Variants in NIPBL observed in about 807,000 individuals in gnomAD.
The protein encoded by NIPBL is nipped-B-like protein.
In NIPBL, 19 loss-of-function variants were observed where a neutral mutation model predicts 321.8. The ratio of observed to expected loss-of-function variants is 0.06; its 90% CI spans 0.04 to 0.09. NIPBL has a LOEUF of 0.09. Ranked by LOEUF, NIPBL falls within the 10% of genes least tolerant of loss-of-function variation. NIPBL has a pLI of 1.00. For missense variants in NIPBL, 2,210 were observed against 3,327.0 expected, an observed-to-expected ratio of 0.66 and a Z score of 8.26; for synonymous variants, 1,106 against 1,114.1, an observed-to-expected ratio of 0.99 and a Z score of 0.14.
intron 1 of NIPBL, among the ~76,000 whole-genome samples, chr5:36,923,995 T>C (rs769222063): frequency 2.0e-5 from 3 of 152,208 alleles, no homozygotes; most frequent in African/African-American, 4.8e-5. Context: ...ATAGATGACA[T>C]TGTTATAATT....
At chr5:36,952,457 C>T (rs1177436527) in intron 1 of NIPBL, among the ~76,000 whole-genome samples, 1 of 152,106 alleles carries the variant, frequency 6.6e-6, no homozygotes, top group Non-Finnish European at 1.5e-5. Context: ...TTAATGAGAG[C>T]ATATCTTTGA....
chr5:37,052,998 G>C (rs141567082), intron 42 of NIPBL, among the ~76,000 whole-genome samples: 1 of 151,516 alleles, frequency 6.6e-6, no homozygotes, highest in African/African-American at 2.4e-5. Flanking sequence ...GTCCACTTTT[G>C]TGTATAGTAG....
At chr5:36,949,867 A>G (rs1483366468) in intron 1 of NIPBL, among the ~76,000 whole-genome samples, 1 of 151,954 alleles carries the variant, frequency 6.6e-6, no homozygotes, top group Non-Finnish European at 1.5e-5. Flanking sequence ...TGTGAAATTA[A>G]ATGAAGAAGT....
At position 37,057,227 on chromosome 5, in the gene NIPBL, A is replaced by G; in HGVS notation, c.7305A>G (p.Leu2435=). The G allele has an allele frequency of 6.2e-7, 1 of 1,613,934 alleles. No individual in the cohort carries two copies. The highest frequency in any genetic ancestry group is 2.2e-5 in the East Asian group (1 of 44,872). Residue 2435 remains leucine, a synonymous_variant, in exon 43 of 47, where the codon CTA becomes CTG. Coordinates refer to ENST00000282516, the MANE Select transcript of NIPBL (RefSeq NM_133433.4). ...TGCTCTTGTATATAGCAGACAATCT[A>G]GCCTGTTTTCCATACCAGACACAGG... The part of the protein sequence containing the change: ...VTMLLYIADN[L]ACFPYQTQEE...
chr5:36,898,377 T>C (rs1746939301), intron 1 of NIPBL, among the ~76,000 whole-genome samples: 1 of 152,204 alleles, frequency 6.6e-6, no homozygotes, highest in South Asian at 2.1e-4. Flanking sequence ...CATGGTCATA[T>C]TTAATACTGT....
intron 1 of NIPBL, among the ~76,000 whole-genome samples, chr5:36,880,303 G>A (rs1745406645): frequency 6.6e-6 from 1 of 151,796 alleles, no homozygotes; most frequent in Non-Finnish European, 1.5e-5. Context: ...CCCCATTGTG[G>A]TATTTTTACT....
chr5:37,007,861 A>G (rs1006266111), intron 18 of NIPBL, 147 bp from the exon 19 acceptor site: 2 of 661,912 alleles, frequency 3.0e-6, no homozygotes, highest in African/African-American at 3.6e-5. Flanking sequence ...AAACAGAGAA[A>G]AGAATAGATG....
In NIPBL at chr5:37,066,254, A is replaced by T. The variant is rs1347139232; in HGVS notation, c.*1362A>T. Reference sequence around the variant, plus strand: ...GTCTGTTTCAAGTTTAATTCTTTTTAAAAATGTTTTACTTATTTTTAAATC... The same window carrying T: ...GTCTGTTTCAAGTTTAATTCTTTTTTAAAATGTTTTACTTATTTTTAAATC... On this transcript the variant is annotated 3_prime_UTR_variant, in exon 47 of 47. Transcript: ENST00000282516. The T allele has an allele frequency of 1.3e-5, 2 of 152,160 alleles. No individual in the cohort carries two copies. Among genetic ancestry groups the T allele is most frequent in the African/African-American group, 2.4e-5 (1 of 41,456 alleles). 9.4% of individuals were successfully genotyped at this position (152,160 alleles called of 1,614,324 possible).
At position 37,056,463 on chromosome 5, in the gene NIPBL, A is replaced by G. The variant is rs114561017; in HGVS notation, c.7264-723A>G. Among the ~76,000 whole-genome samples the G allele has an allele frequency of 4.5e-3, 682 of 152,028 alleles. 7 individuals are homozygous for G. The highest frequency in any genetic ancestry group is 4.4e-3 in the Non-Finnish European group (301 of 67,964). On this transcript the variant is annotated intron_variant, in intron 42 of 46. Coordinates refer to ENST00000282516, the MANE Select transcript of NIPBL (RefSeq NM_133433.4). ...TGATCATGAAATGCTTGAATTCTCT[A>G]TTACTTCTTTTTAAAGCAAGCAACT...
intron 1 of NIPBL, among the ~76,000 whole-genome samples, chr5:36,882,895 A>C (rs1333753235): frequency 2.6e-5 from 4 of 151,528 alleles, no homozygotes; most frequent in Admixed American, 1.3e-4. Context: ...TAAAAAAAAA[A>C]CCCACCTTGT....
In NIPBL at chr5:36,996,064, A is replaced by G. The variant is rs1311179372; in HGVS notation, c.3304+260A>G. On this transcript the variant is annotated intron_variant, in intron 11 of 46. Transcript: ENST00000282516. The surrounding 1 kb of genome is among the most constrained non-coding windows in gnomAD (Gnocchi z 5.0). ...GTCTGTATGCATTCAGCAAACATTT[A>G]TTGAGCTCCTATTATATGCTAGACA... 6.6e-6 allele frequency among the ~76,000 whole-genome samples: 1 copy of G among 152,238 alleles called. No individual in the cohort carries two copies. Among genetic ancestry groups the G allele is most frequent in the Non-Finnish European group, 1.5e-5 (1 of 68,036 alleles).
intron 4 of NIPBL, among the ~76,000 whole-genome samples, chr5:36,959,340 C>A (rs1175991742): frequency 6.6e-6 from 1 of 152,054 alleles, no homozygotes; most frequent in Non-Finnish European, 1.5e-5. Flanking sequence ...ATTCTGTGTA[C>A]TTGTGTTGTT....
intron 16 of NIPBL, among the ~76,000 whole-genome samples, 186 bp downstream of exon 16, chr5:37,003,533 C>T (rs1747066586): frequency 1.3e-5 from 2 of 151,992 alleles, no homozygotes; most frequent in African/African-American, 4.8e-5. Flanking sequence ...AATCTCTTCC[C>T]ATGCCTAATT....
intron 9 of NIPBL, among the ~76,000 whole-genome samples, chr5:36,983,559 A>C (rs1389284224): frequency 6.6e-6 from 1 of 151,992 alleles, no homozygotes; most frequent in Non-Finnish European, 1.5e-5. Context: ...TGAATATTGC[A>C]AGAGAATCTA....
At chr5:36,942,270 A>G (rs1739169990) in intron 1 of NIPBL, among the ~76,000 whole-genome samples, 1 of 151,166 alleles carries the variant, frequency 6.6e-6, no homozygotes, top group African/African-American at 2.4e-5. Flanking sequence ...CGTCTCTACT[A>G]AAAATACAAA....
intron 1 of NIPBL, among the ~76,000 whole-genome samples, chr5:36,951,948 C>G (rs16903418): frequency 0.14 from 20,661 of 150,930 alleles, 1,524 homozygotes; most frequent in Admixed American, 0.2. Context: ...GTTAATACCC[C>G]TAGAAGGAAC....
chr5:36,882,904 G>A (rs1463432540), intron 1 of NIPBL, among the ~76,000 whole-genome samples: 2 of 150,156 alleles, frequency 1.3e-5, no homozygotes, highest in East Asian at 3.9e-4. Context: ...AACCCACCTT[G>A]TTACTTTACT....
intron 6 of NIPBL, among the ~76,000 whole-genome samples, chr5:36,962,716 T>C (rs1160838534): frequency 6.6e-6 from 1 of 152,194 alleles, no homozygotes; most frequent in African/African-American, 2.4e-5. Context: ...AAATTGAGTC[T>C]GTAGTGAACA....
At chr5:37,032,726 G>A (rs1231061861) in intron 32 of NIPBL, among the ~76,000 whole-genome samples, 1 of 152,188 alleles carries the variant, frequency 6.6e-6, no homozygotes, top group African/African-American at 2.4e-5. Context: ...AGTGAACTAT[G>A]ATTGTGCCAC....
Sources: gnomAD v4.1 joint callset for allele counts (sites outside exome capture counted in the v4.1 genomes callset) on GRCh38, gnomAD v4.1.1 for gene constraint, Gnocchi (gnomAD v3.1) non-coding constraint, MANE v1.5 for transcripts, NCBI Gene and HGNC (gene_info 2026-07-23, HGNC 2026-07-21) for gene names.